CPEB2: variants seen among roughly 807,000 people sequenced by gnomAD.
The protein encoded by CPEB2 is cytoplasmic polyadenylation element-binding protein 2.
CPEB2 carries 56 observed loss-of-function variants against 93.6 expected under a neutral mutation model. The ratio of observed to expected loss-of-function variants is 0.60; its 90% CI spans 0.48 to 0.75. The LOEUF (loss-of-function observed/expected upper bound fraction) is 0.75. Ranked by LOEUF, CPEB2 falls within the 30% of genes least tolerant of loss-of-function variation. The pLI is 0.00. For missense variants in CPEB2, 1,579 were observed against 1,395.1 expected, an observed-to-expected ratio of 1.13 and a Z score of -2.10; for synonymous variants, 764 against 586.3, an observed-to-expected ratio of 1.30 and a Z score of -4.38.
intron 4 of CPEB2, among the ~76,000 whole-genome samples, chr4:15,020,484 C>T (rs989842294): frequency 7.2e-5 from 11 of 152,160 alleles, no homozygotes; most frequent in Non-Finnish European, 1.2e-4. Flanking sequence ...CTAACAGAAG[C>T]ACCTTCCCTC....
In CPEB2 at chr4:15,002,983, C is replaced by T. The variant is rs1159499248; in HGVS notation, c.310C>T (p.Gln104Ter). ...QDELLLGLTQQPARPLSGAAA... is the reference protein window; with the variant it reads ...QDELLLGLTQ ...TGAGCTGCTTCTGGGGCTGACACAG[C>T]AGCCGGCGCGGCCGCTTTCGGGGGC... is the stretch of plus-strand genomic sequence containing the variant. The change falls in exon 1 of 12, where the codon CAG becomes TAG. Residue 104 changes from glutamine (Q) to a stop codon, truncating the protein, a stop_gained. Transcript: ENST00000538197. LOFTEE classifies it high-confidence loss of function. 1 of 1,505,334 alleles carries T rather than the reference C, an allele frequency of 6.6e-7. No individual in the cohort carries two copies. Among genetic ancestry groups the T allele is most frequent in the Non-Finnish European group, 8.8e-7 (1 of 1,137,346 alleles). The allele number at this position is 1,505,334 out of a possible 1,614,324, so 93.2% of individuals were successfully genotyped here.
intron 6 of CPEB2, among the ~76,000 whole-genome samples, chr4:15,047,591 G>A (rs1727832012): frequency 6.6e-6 from 1 of 151,936 alleles, no homozygotes; most frequent in Non-Finnish European, 1.5e-5. Flanking sequence ...TTTGTAAATT[G>A]AATTTGCATT....
chr4:15,003,939 G>A lies in CPEB2; in HGVS notation c.1266G>A (p.Ser422=), dbSNP rs765867305. 2.5e-6 allele frequency: 3 copies of A among 1,210,016 alleles called. No homozygotes were observed. Among genetic ancestry groups the A allele is most frequent in the African/African-American group, 1.6e-5 (1 of 61,910 alleles). The allele number at this position is 1,210,016 out of a possible 1,614,324, so 75.0% of individuals were successfully genotyped here. A position where few individuals can be genotyped will look rare whatever the true frequency, so the allele number is the denominator to read the frequency against. Residue 422 remains serine, a synonymous_variant, in exon 1 of 12, where the codon TCG becomes TCA. Coordinates refer to ENST00000538197, the MANE Select transcript of CPEB2 (RefSeq NM_001177382.2). ...PPQPQPQPPG[S]SATTPGGGSG... is the part of the protein sequence containing the mutation. ...AGCCGCAGCCGCAGCCGCCCGGCTC[G>A]TCTGCCACCACCCCGGGCGGCGGCA...
rs1179006782 is a variant in CPEB2, at chr4:15,007,349, C to A, written c.1707C>A (p.Gly569=). ...CCTGGAGCAACCATCAGAGCAGTGG[C>A]TGGGGCACTGGAAGTATGTCCTGGG... The part of the protein sequence containing the change: ...QSPWSNHQSS[G]WGTGSMSWGA... The change falls in exon 2 of 12, where the codon GGC becomes GGA. Residue 569 remains glycine, a synonymous_variant. Transcript: ENST00000538197. 6.3e-7 allele frequency: 1 copy of A among 1,595,432 alleles called. No individual in the cohort carries two copies. Among genetic ancestry groups the A allele is most frequent in the Non-Finnish European group, 8.6e-7 (1 of 1,168,238 alleles).
chr4:15,054,085 C>A, intron 7 of CPEB2, 43 bp from the exon 8 acceptor site: 1 of 1,332,738 alleles, frequency 7.5e-7, no homozygotes, highest in Non-Finnish European at 1.1e-6. Context: ...TAGAACGAAT[C>A]ACTGAAACTA....
chr4:15,065,849 T>C (rs1729656756), intron 11 of CPEB2, among the ~76,000 whole-genome samples: 1 of 152,120 alleles, frequency 6.6e-6, no homozygotes, highest in African/African-American at 2.4e-5. Flanking sequence ...CTGTCTTCCA[T>C]GACTACTTGA....
At chr4:15,029,993 T>C (rs1004035742) in intron 4 of CPEB2, among the ~76,000 whole-genome samples, 2 of 152,068 alleles carry the variant, frequency 1.3e-5, no homozygotes, top group Non-Finnish European at 2.9e-5. Flanking sequence ...GGGCTATGTA[T>C]GTAGTTTTTT....
At chr4:15,040,811 G>A (rs770513794) in intron 6 of CPEB2, among the ~76,000 whole-genome samples, 13 of 152,088 alleles carry the variant, frequency 8.5e-5, no homozygotes, top group Admixed American at 2.0e-4. Context: ...AGTGAAGTTA[G>A]CATGAAGTAT....
chr4:15,004,460 G>C (rs1045141476), intron 1 of CPEB2, 125 bp downstream of exon 1: 3 of 648,900 alleles, frequency 4.6e-6, no homozygotes, highest in African/African-American at 4.3e-5. Context: ...GGGGCCACTC[G>C]CCCAAGTGAG....
intron 4 of CPEB2, among the ~76,000 whole-genome samples, chr4:15,025,949 C>T (rs1334086819): frequency 1.3e-5 from 2 of 152,062 alleles, no homozygotes; most frequent in Admixed American, 6.5e-5. Context: ...TGGGGTTATG[C>T]CTCTTTAAAA....
At chr4:15,004,592 G>T (rs1277401533) in intron 1 of CPEB2, among the ~76,000 whole-genome samples, 1 of 152,100 alleles carries the variant, frequency 6.6e-6, no homozygotes, top group Non-Finnish European at 1.5e-5. Context: ...GGGAGCCGCG[G>T]CTGGCCGGGC....
chr4:15,056,556 T>C (rs1007072976), intron 8 of CPEB2, among the ~76,000 whole-genome samples: 3 of 152,228 alleles, frequency 2.0e-5, no homozygotes, highest in African/African-American at 7.2e-5. Flanking sequence ...TTTGGTACAA[T>C]TACAGTTAAA....
Position 15,004,063 on chromosome 4 carries a change from A to G in CPEB2, c.1390A>G (p.Ser464Gly). Residue 464 changes from serine to glycine, a missense_variant, in exon 1 of 12, where the codon AGC becomes GGC. Coordinates refer to ENST00000538197, the MANE Select transcript of CPEB2 (RefSeq NM_001177382.2). Reference sequence around the variant, plus strand: ...GTCCATGAACCCGGCCTTCTTCCCTAGCTTCTCGCCCGTGTCGCCGCACGG... The same window carrying G: ...GTCCATGAACCCGGCCTTCTTCCCTGGCTTCTCGCCCGTGTCGCCGCACGG... Reference protein sequence around the residue: ...PSSMNPAFFPSFSPVSPHGCT... With the variant: ...PSSMNPAFFPGFSPVSPHGCT... 2 of 1,564,562 alleles carry G rather than the reference A, an allele frequency of 1.3e-6. No individual in the cohort carries two copies. Among genetic ancestry groups the G allele is most frequent in the Non-Finnish European group, 1.7e-6 (2 of 1,158,716 alleles).
At chr4:15,055,748 G>C (rs1463860618) in intron 8 of CPEB2, among the ~76,000 whole-genome samples, 1 of 152,084 alleles carries the variant, frequency 6.6e-6, no homozygotes, top group Admixed American at 6.5e-5. Context: ...CTTCTTTCTA[G>C]CTTCTTCTAC....
Position 15,062,143 on chromosome 4 carries a change from T to A in CPEB2, c.2760T>A (p.Asp920Glu). 1 of 1,612,766 alleles carries A rather than the reference T, an allele frequency of 6.2e-7. No individual in the cohort carries two copies. The highest frequency in any genetic ancestry group is 8.5e-7 in the Non-Finnish European group (1 of 1,179,094). ...GGVCYAGIDT[D>E]PELKYPKGAG... The stretch of plus-strand genomic sequence containing the variant: ...TTTGTTATGCAGGAATTGATACAGA[T>A]CCTGAGCTAAAATACCCAAAAGGTG... The change falls in exon 11 of 12, where the codon GAT becomes GAA. Residue 920 changes from aspartate (D) to glutamate (E), a missense_variant. By Grantham distance (45) the Asp-to-Glu change is conservative. This residue lies in a region of CPEB2 where 168 missense variants were observed against 339.1 expected (regional missense o/e 0.50). Transcript: ENST00000538197.
At chr4:15,056,227 A>C (rs573110053) in intron 8 of CPEB2, among the ~76,000 whole-genome samples, 21 of 152,286 alleles carry the variant, frequency 1.4e-4, no homozygotes, top group Middle Eastern at 3.4e-3. Context: ...AGCTTCACTG[A>C]GAGGTTTGGA....
chr4:15,032,857 TGATA>T (rs1230200619), intron 4 of CPEB2, among the ~76,000 whole-genome samples: 1 of 152,294 alleles, frequency 6.6e-6, no homozygotes, highest in Middle Eastern at 3.4e-3. Context: ...GACTAGGATA[TGATA>T]GATATATTGT....
At chr4:15,026,991 T>A (rs946448417) in intron 4 of CPEB2, among the ~76,000 whole-genome samples, 3 of 152,220 alleles carry the variant, frequency 2.0e-5, no homozygotes, top group Non-Finnish European at 4.4e-5. Flanking sequence ...TACTTTTGTT[T>A]AAAACCCTTT....
Position 15,062,286 on chromosome 4 carries a change from T to G in CPEB2, c.2877+26T>G. 7 of 1,572,558 alleles carry G rather than the reference T, an allele frequency of 4.5e-6. No individual in the cohort carries two copies. In the African/African-American group the frequency reaches 6.7e-5, roughly 15 times the overall value. ...GTAAGTTGCATATTGGGAAATCACT[T>G]ATGTCCTATAATAAGGTGCTGATCC... On this transcript the variant is annotated intron_variant, in intron 11 of 11. Transcript: ENST00000538197.
Sources: allele counts gnomAD v4.1 joint callset (sites outside exome capture counted in the v4.1 genomes callset), GRCh38; gene constraint gnomAD v4.1.1; regional missense constraint gnomAD v4.1.1; transcripts MANE v1.5; gene names NCBI Gene and HGNC (gene_info 2026-07-23, HGNC 2026-07-21).